The following ZHX3 variants were observed in gnomAD, a reference collection of about 807,000 sequenced individuals.
ZHX3 encodes zinc fingers and homeoboxes 3.
In ZHX3, 20 loss-of-function variants were observed where a neutral mutation model predicts 64.5. The ratio of observed to expected loss-of-function variants is 0.31; its 90% CI spans 0.22 to 0.45. The LOEUF (loss-of-function observed/expected upper bound fraction) is 0.45. ZHX3 is among the 20% of genes least tolerant of loss of function. The pLI is 1.00. For synonymous variants in ZHX3, 423 were observed against 461.6 expected (o/e 0.92, Z 1.07); for missense variants, 1,041 against 1,195.8 (o/e 0.87, Z 1.91).
In ZHX3 at chr20:41,282,361, C is replaced by CTTTT. The variant is rs568284480; in HGVS notation, c.-244-13282_-244-13279dup. On this transcript the variant is annotated intron_variant, in intron 1 of 3. Coordinates refer to ENST00000683867, the MANE Select transcript of ZHX3 (RefSeq NM_001384317.1). ...TAGAGGTCCATTAGACACAATTCAT[C>CTTTT]TTTTTTTTTTTTTTTTTTTGCGAAG... Among the ~76,000 whole-genome samples, 47 of 97,194 alleles carry CTTTT rather than the reference C, an allele frequency of 4.8e-4. 5 individuals are homozygous for CTTTT. The highest frequency in any genetic ancestry group is 1.2e-3 in the African/African-American group (31 of 26,296). The allele number at this position is 97,194 out of a possible 152,430, so 63.8% of individuals were successfully genotyped here.
intron 2 of ZHX3, among the ~76,000 whole-genome samples, chr20:41,230,123 T>A (rs1331815062): frequency 6.6e-6 from 1 of 152,238 alleles, no homozygotes; most frequent in South Asian, 2.1e-4. Flanking sequence ...TATGCCTTCA[T>A]TAACAATTTT....
In ZHX3 at chr20:41,200,709, A is replaced by AT. The variant is rs1246080325; in HGVS notation, c.2860+1347dup. Among the ~76,000 whole-genome samples the AT allele has an allele frequency of 2.6e-5, 4 of 152,030 alleles. No individual in the cohort carries two copies. The highest frequency in any genetic ancestry group is 6.6e-5 in the Admixed American group (1 of 15,246). ...CTCACTGTGGGCTTTGTGGAACTGG[A>AT]TTTTGCCTTAGTATGTTAATATGAG... On this transcript the variant is annotated intron_variant, in intron 3 of 3. Transcript: ENST00000683867. This position sits in a 1 kb window ranked among gnomAD's most constrained non-coding sequence, Gnocchi z 4.2.
rs566890417 is a variant in ZHX3, at chr20:41,232,007, C to A, written c.-150-26941G>T. The stretch of plus-strand genomic sequence containing the variant: ...CTAGATGGTTAAAACAACCACATTC[C>A]GTACCATTAGACGCTGACAGCCCAG... On this transcript the variant is annotated intron_variant, in intron 2 of 3. Coordinates refer to ENST00000683867, the MANE Select transcript of ZHX3 (RefSeq NM_001384317.1). This position sits in a 1 kb window ranked among gnomAD's most constrained non-coding sequence, Gnocchi z 5.0. Among the ~76,000 whole-genome samples, 4 of 152,052 alleles carry A rather than the reference C, an allele frequency of 2.6e-5. No homozygotes were observed. Among genetic ancestry groups the A allele is most frequent in the Non-Finnish European group, 5.9e-5 (4 of 68,016 alleles).
chr20:41,316,397 T>A (rs1331372371), intron 1 of ZHX3, among the ~76,000 whole-genome samples: 1 of 152,250 alleles, frequency 6.6e-6, no homozygotes, highest in African/African-American at 2.4e-5. Flanking sequence ...TTCAGAATTA[T>A]CCGGCAAAAT....
At chr20:41,196,433 AATATAT>A (rs1261442279) in intron 3 of ZHX3, among the ~76,000 whole-genome samples, 1 of 5,566 alleles carries the variant, frequency 1.8e-4, no homozygotes, top group Non-Finnish European at 3.1e-4. Flanking sequence ...TATTTATATA[AATATAT>A]ATATTATATA....
At chr20:41,289,816 C>G (rs1269436851) in intron 1 of ZHX3, among the ~76,000 whole-genome samples, 1 of 149,386 alleles carries the variant, frequency 6.7e-6, no homozygotes, top group Non-Finnish European at 1.5e-5. Context: ...AAGTGCCTAG[C>G]GGAAGCCTGA....
rs775800727 is a variant in ZHX3, at chr20:41,201,530, G to A, written c.2860+527C>T. 31 of 463,978 alleles carry A rather than the reference G, an allele frequency of 6.7e-5. No individual in the cohort carries two copies. Among genetic ancestry groups the A allele is most frequent in the Non-Finnish European group, 1.2e-4 (31 of 265,772 alleles). The allele number at this position is 463,978 out of a possible 1,614,324, so 28.7% of individuals were successfully genotyped here. On this transcript the variant is annotated intron_variant, in intron 3 of 3. Transcript: ENST00000683867. This position sits in a 1 kb window ranked among gnomAD's most constrained non-coding sequence, Gnocchi z 5.0. ...AATTCAAGCTTTTGATTCCATGTAT[G>A]TCAAAGAAGGAAGGTGATTTTCCAT...
At chr20:41,311,142 G>A (rs975471512) in intron 1 of ZHX3, among the ~76,000 whole-genome samples, 8 of 151,982 alleles carry the variant, frequency 5.3e-5, no homozygotes, top group South Asian at 2.1e-4. Context: ...TCAAAACTAC[G>A]GTCAGTGAAA....
At position 41,232,963 on chromosome 20, in the gene ZHX3, G is replaced by C. The variant is rs570694499; in HGVS notation, c.-150-27897C>G. ...ACAGAGTCAGGAGAAACTTACACAA[G>C]GCTGGTCTTAGGGTTCGTTTAATCG... is the stretch of plus-strand genomic sequence containing the variant. On this transcript the variant is annotated intron_variant, in intron 2 of 3. Coordinates refer to ENST00000683867, the MANE Select transcript of ZHX3 (RefSeq NM_001384317.1). The surrounding 1 kb of genome is among the most constrained non-coding windows in gnomAD (Gnocchi z 5.0). Among the ~76,000 whole-genome samples the C allele has an allele frequency of 5.3e-5, 8 of 152,292 alleles. No individual in the cohort carries two copies. The highest frequency in any genetic ancestry group is 1.0e-4 in the Non-Finnish European group (7 of 68,022).
At chr20:41,265,742 C>T (rs778523548) in intron 2 of ZHX3, among the ~76,000 whole-genome samples, 1 of 152,146 alleles carries the variant, frequency 6.6e-6, no homozygotes, top group South Asian at 2.1e-4. Flanking sequence ...CTACTATATA[C>T]TTAATTACCT....
chr20:41,266,005 T>G (rs1422812935), intron 2 of ZHX3, among the ~76,000 whole-genome samples: 1 of 152,188 alleles, frequency 6.6e-6, no homozygotes, highest in Non-Finnish European at 1.5e-5. Context: ...ATAATTATTC[T>G]CTTTCCAAGT....
At position 41,184,587 on chromosome 20, in the gene ZHX3, A is replaced by G. The variant is rs1420106165; in HGVS notation, c.*604T>C. 6.5e-6 allele frequency: 2 copies of G among 305,632 alleles called. No individual in the cohort carries two copies. The highest frequency in any genetic ancestry group is 9.5e-5 in the Admixed American group (2 of 21,020). 18.9% of individuals were successfully genotyped at this position (305,632 alleles called of 1,614,324 possible). ...GCAAAGCAAGCCTGACATGAAACGT[A>G]GCCGGTCATCACTTAATGCAGCAGA... On this transcript the variant is annotated 3_prime_UTR_variant, in exon 4 of 4. Transcript: ENST00000683867.
chr20:41,189,872 C>T (rs892443077), intron 3 of ZHX3, among the ~76,000 whole-genome samples: 17 of 152,206 alleles, frequency 1.1e-4, no homozygotes, highest in South Asian at 4.1e-4. Flanking sequence ...TGAATAGGAG[C>T]GGTGAAAGTG....
At chr20:41,255,017 T>C (rs1011497615) in intron 2 of ZHX3, among the ~76,000 whole-genome samples, 5 of 151,984 alleles carry the variant, frequency 3.3e-5, no homozygotes, top group Non-Finnish European at 7.4e-5. Flanking sequence ...AACTGGGACT[T>C]GAAGTCAGAA....
intron 1 of ZHX3, among the ~76,000 whole-genome samples, chr20:41,316,054 T>C (rs536033971): frequency 3.3e-5 from 5 of 150,520 alleles, no homozygotes; most frequent in Admixed American, 3.3e-4. Context: ...CAAAACAACA[T>C]GGGGAACATT....
At chr20:41,309,586 G>A (rs1006386747) in intron 1 of ZHX3, among the ~76,000 whole-genome samples, 1 of 152,080 alleles carries the variant, frequency 6.6e-6, no homozygotes. Context: ...GGCCATGGCC[G>A]ACTCCTTCCT....
intron 1 of ZHX3, among the ~76,000 whole-genome samples, chr20:41,297,104 T>TA (rs1460922246): frequency 6.6e-6 from 1 of 152,250 alleles, no homozygotes; most frequent in Non-Finnish European, 1.5e-5. Context: ...CTCTGACAGA[T>TA]AAAGTTCTGT....
chr20:41,225,227 G>A (rs1467534848), intron 2 of ZHX3, among the ~76,000 whole-genome samples: 1 of 152,182 alleles, frequency 6.6e-6, no homozygotes, highest in Non-Finnish European at 1.5e-5. Context: ...GACCTGACAT[G>A]ACATTCGGTG....
chr20:41,203,065 C>T lies in ZHX3; in HGVS notation c.1852G>A (p.Glu618Lys), dbSNP rs2038380547. The change falls in exon 3 of 4, where the codon GAG becomes AAG. Residue 618 changes from glutamate to lysine, a missense_variant. Glu to Lys is a moderately conservative substitution (Grantham distance 56, BLOSUM62 1). Coordinates refer to ENST00000683867, the MANE Select transcript of ZHX3 (RefSeq NM_001384317.1). This position sits in a 1 kb window ranked among gnomAD's most constrained non-coding sequence, Gnocchi z 7.1. ...TPDFTPTKYK[E>K]RAPEQLRALE... ...GCTCTGAGCTGCTCAGGGGCTCTCT[C>T]CTTGTATTTGGTTGGTGTGAAGTCA... 6.2e-7 allele frequency: 1 copy of T among 1,614,118 alleles called. No homozygotes were observed.
Sources: allele counts gnomAD v4.1 joint callset (sites outside exome capture counted in the v4.1 genomes callset), GRCh38; gene constraint gnomAD v4.1.1; non-coding constraint Gnocchi (gnomAD v3.1); transcripts MANE v1.5; gene names NCBI Gene and HGNC (gene_info 2026-07-23, HGNC 2026-07-21).